The following VAC14 variants were observed in gnomAD, a reference collection of about 807,000 sequenced individuals.
VAC14 encodes VAC14 component of PIKFYVE complex.
A neutral mutation model predicts 85.3 loss-of-function variants in VAC14; 47 were observed. The observed-to-expected ratio is 0.55, with a 90% CI of 0.44 to 0.70. VAC14 has a LOEUF of 0.70. VAC14 is among the 30% of genes least tolerant of loss of function. The pLI, the probability that VAC14 is intolerant of heterozygous loss-of-function variation, is 0.00. For missense variants in VAC14, 861 were observed against 1,004.3 expected (o/e 0.86, Z 1.93); for synonymous variants, 447 against 430.5 (o/e 1.04, Z -0.47).
chr16:70,721,812 G>A (rs879314617), intron 14 of VAC14, among the ~76,000 whole-genome samples: 6 of 152,152 alleles, frequency 3.9e-5, no homozygotes, highest in Non-Finnish European at 7.4e-5. Context: ...GAATCCCATG[G>A]TGCCAGTCCT....
In VAC14 at chr16:70,783,272, T is replaced by C. The variant is rs60401477; in HGVS notation, c.705-133A>G. The stretch of plus-strand genomic sequence containing the variant: ...GCTTTTGGACTTGTCAGGTGATCAT[T>C]TTCAGATGCTGGGGGTTGATGGGCT... On this transcript the variant is annotated intron_variant, in intron 6 of 18. Coordinates refer to ENST00000261776, the MANE Select transcript of VAC14 (RefSeq NM_018052.5). 10,466 of 1,080,652 alleles carry C rather than the reference T, an allele frequency of 9.7e-3. 566 individuals carry two copies. The African/African-American group carries it at 0.13, about 14-fold the overall frequency. 66.9% of individuals were successfully genotyped at this position (1,080,652 alleles called of 1,614,324 possible). A position where few individuals can be genotyped will look rare whatever the true frequency, so the allele number is the denominator to read the frequency against.
At chr16:70,700,728 A>T (rs2053808975) in intron 14 of VAC14, among the ~76,000 whole-genome samples, 1 of 152,232 alleles carries the variant, frequency 6.6e-6, no homozygotes, top group East Asian at 1.9e-4. Context: ...CAACCCCTCC[A>T]TGAGCCCTGT....
chr16:70,773,912 C>T (rs12920588), intron 9 of VAC14, among the ~76,000 whole-genome samples: 16,374 of 151,640 alleles, frequency 0.11, 921 homozygotes, highest in Middle Eastern at 0.15. Flanking sequence ...ACTATAGGCA[C>T]GTACCATTAA....
Position 70,785,744 on chromosome 16 carries a change from A to T in VAC14, c.381T>A (p.Ala127=). 1 of 1,571,004 alleles carries T rather than the reference A, an allele frequency of 6.4e-7. No individual in the cohort carries two copies. Reference sequence around the variant, plus strand: ...AGAGCACGTTGAAGTGGGGCAGCACAGCGCCCCGGGCCACCTTGACGATGT... The same window carrying T: ...AGAGCACGTTGAAGTGGGGCAGCACTGCGCCCCGGGCCACCTTGACGATGT... ...LYNIVKVARG[A]VLPHFNVLFD... is the part of the protein sequence containing the mutation. Residue 127 remains alanine, a synonymous_variant, in exon 3 of 19, where the codon GCT becomes GCA. Transcript: ENST00000261776.
At chr16:70,741,936 G>T (rs1253974890) in intron 13 of VAC14, among the ~76,000 whole-genome samples, 1 of 152,200 alleles carries the variant, frequency 6.6e-6, no homozygotes, top group South Asian at 2.1e-4. Flanking sequence ...GCCCACCAGG[G>T]ACCCCCGGGT....
intron 1 of VAC14, among the ~76,000 whole-genome samples, chr16:70,789,194 C>T (rs1024255713): frequency 2.0e-5 from 3 of 152,182 alleles, no homozygotes; most frequent in South Asian, 2.1e-4. Context: ...CAAGACTAAA[C>T]ACAGAAGGCG....
At chr16:70,721,097 G>A (rs1406051928) in intron 14 of VAC14, among the ~76,000 whole-genome samples, 3 of 152,202 alleles carry the variant, frequency 2.0e-5, no homozygotes, top group Non-Finnish European at 4.4e-5. Context: ...GAGTCAAAAG[G>A]GAGATTCAGA....
intron 9 of VAC14, among the ~76,000 whole-genome samples, chr16:70,773,594 G>A (rs554248950): frequency 3.9e-5 from 6 of 152,140 alleles, no homozygotes; most frequent in South Asian, 2.1e-4. Flanking sequence ...AGTGCTTGGG[G>A]TGGGAGGTGC....
intron 12 of VAC14, chr16:70,744,894 A>T (rs1181358545): frequency 3.4e-6 from 1 of 296,080 alleles, no homozygotes; most frequent in Non-Finnish European, 6.3e-6. Context: ...GAGGGTCCCC[A>T]GGAGTCCCAG....
rs750208158 is a variant in VAC14, at chr16:70,744,500, T to G, written c.1451A>C (p.Asp484Ala). The G allele has an allele frequency of 6.2e-7, 1 of 1,613,530 alleles. No homozygotes were observed. The highest frequency in any genetic ancestry group is 1.7e-5 in the Admixed American group (1 of 59,972). The change falls in exon 13 of 19, where the codon GAT becomes GCT. Residue 484 changes from aspartate (D) to alanine (A), a missense_variant. Transcript: ENST00000261776. ...AGQTDDPGPL[D>A]GPDLQASHSE... ...GTGGCTGGCCTGGAGGTCAGGGCCA[T>G]CGAGGGGGCCTGGGTCATCCGTCTG... is the stretch of plus-strand genomic sequence containing the variant.
intron 14 of VAC14, chr16:70,731,261 A>G (rs2143002070): frequency 7.8e-7 from 1 of 1,282,282 alleles, no homozygotes; most frequent in East Asian, 3.1e-5. Flanking sequence ...TCAGGAAGCA[A>G]AAAATGAATT....
intron 14 of VAC14, among the ~76,000 whole-genome samples, chr16:70,707,319 T>C (rs984178032): frequency 2.6e-5 from 4 of 152,238 alleles, no homozygotes; most frequent in Admixed American, 6.5e-5. Flanking sequence ...ATGTGTCTGG[T>C]ACACTTAAAA....
chr16:70,800,954 G>C lies in VAC14; in HGVS notation c.-54C>G. On this transcript the variant is annotated 5_prime_UTR_variant, in exon 1 of 19. Transcript: ENST00000261776. Reference sequence around the variant, plus strand: ...CTTAGCCCGCGGCTGCCGGGGCCGCGCCGGGGCCAGGGGAGTCTGCGGCTC... The same window carrying C: ...CTTAGCCCGCGGCTGCCGGGGCCGCCCCGGGGCCAGGGGAGTCTGCGGCTC... 1 of 1,396,868 alleles carries C rather than the reference G, an allele frequency of 7.2e-7. No homozygotes were observed. The highest frequency in any genetic ancestry group is 9.7e-7 in the Non-Finnish European group (1 of 1,035,840). The allele number at this position is 1,396,868 out of a possible 1,614,324, so 86.5% of individuals were successfully genotyped here.
chr16:70,744,466 G>C lies in VAC14; in HGVS notation c.1485C>G (p.Leu495=), dbSNP rs1181110406. ...CGGCTCTGCCAGGGGTGGGCACCTGGAGCTCTGAGTGGCTGGCCTGGAGGT... is the reference window on the plus strand; with the variant it reads ...CGGCTCTGCCAGGGGTGGGCACCTGCAGCTCTGAGTGGCTGGCCTGGAGGT... ...GPDLQASHSE[L]QVPTPGRAGL... is the part of the protein sequence containing the mutation. Residue 495 remains leucine (L), a synonymous_variant, in exon 13 of 19, where the codon CTC becomes CTG. Transcript: ENST00000261776. 6.2e-7 allele frequency: 1 copy of C among 1,614,078 alleles called. No homozygotes were observed. The highest frequency in any genetic ancestry group is 8.5e-7 in the Non-Finnish European group (1 of 1,180,002).
At chr16:70,761,640 CA>C (rs1233978277) in intron 12 of VAC14, among the ~76,000 whole-genome samples, 1 of 152,182 alleles carries the variant, frequency 6.6e-6, no homozygotes, top group Non-Finnish European at 1.5e-5. Flanking sequence ...CAGGAAGAGC[CA>C]GGGGCCCCCT....
chr16:70,722,038 T>C (rs145445728), intron 14 of VAC14, among the ~76,000 whole-genome samples: 3,084 of 152,268 alleles, frequency 0.02, 60 homozygotes, highest in Non-Finnish European at 0.033. Flanking sequence ...AACCTAGGAC[T>C]GGGGACGAGG....
chr16:70,751,648 G>A lies in VAC14; in HGVS notation c.1372-7069C>T, dbSNP rs114793540. On this transcript the variant is annotated intron_variant, in intron 12 of 18. Coordinates refer to ENST00000261776, the MANE Select transcript of VAC14 (RefSeq NM_018052.5). ...CATATGGAATGGCTCTTGTTGCCCT[G>A]GTTTAGGGGCATTAGCCAGAGAGCA... is the stretch of plus-strand genomic sequence containing the variant. Among the ~76,000 whole-genome samples the A allele has an allele frequency of 3.9e-3, 599 of 152,322 alleles. 2 individuals are homozygous for A. The highest frequency in any genetic ancestry group is 0.014 in the African/African-American group (577 of 41,568).
chr16:70,774,639 G>C (rs2143189916), intron 9 of VAC14, among the ~76,000 whole-genome samples: 1 of 152,088 alleles, frequency 6.6e-6, no homozygotes. Flanking sequence ...ATATTACTGT[G>C]GAATTTGCCT....
intron 10 of VAC14, chr16:70,771,146 G>A (rs549686433): frequency 6.6e-6 from 1 of 152,218 alleles, no homozygotes; most frequent in Non-Finnish European, 1.5e-5. Flanking sequence ...AAGTCCAGGG[G>A]ACTCAGACCA....
Sources: allele counts gnomAD v4.1 joint callset (sites outside exome capture counted in the v4.1 genomes callset), GRCh38; gene constraint gnomAD v4.1.1; transcripts MANE v1.5; gene names NCBI Gene and HGNC (gene_info 2026-07-23, HGNC 2026-07-21).